The following EXOC3L1 variants were observed in gnomAD, a reference collection of about 807,000 sequenced individuals.
EXOC3L1 encodes exocyst complex component 3-like protein.
In EXOC3L1, 79 loss-of-function variants were observed where a neutral mutation model predicts 83.6. The observed-to-expected ratio is 0.95, with a 90% CI of 0.79 to 1.14. The LOEUF is 1.14. EXOC3L1 is among the 50% of genes most tolerant of loss of function. The pLI, the probability that EXOC3L1 is intolerant of heterozygous loss-of-function variation, is 0.00. For synonymous variants in EXOC3L1, 433 were observed against 451.2 expected (o/e 0.96, Z 0.51); for missense variants, 945 against 972.0 (o/e 0.97, Z 0.37).
intron 9 of EXOC3L1, 48 bp from the exon 10 acceptor site, chr16:67,185,538 T>A (rs2145985646): frequency 1.7e-5 from 26 of 1,563,476 alleles, no homozygotes; most frequent in Non-Finnish European, 2.3e-5. Context: ...AAGGCCCGCA[T>A]GGCCCTCGGT....
chr16:67,189,989 C>T lies in EXOC3L1; in HGVS notation c.-26G>A, dbSNP rs2032838951. The stretch of plus-strand genomic sequence containing the variant: ...AACTTACCAGATTTGATCAGGCGTC[C>T]AGTTCTCCCTCCAAAAATGACCTTG... On this transcript the variant is annotated 5_prime_UTR_variant, in exon 1 of 14. Coordinates refer to ENST00000314586, the MANE Select transcript of EXOC3L1 (RefSeq NM_178516.4). The T allele has an allele frequency of 1.1e-5, 4 of 359,928 alleles. No individual in the cohort carries two copies. The highest frequency in any genetic ancestry group is 6.2e-5 in the African/African-American group (3 of 48,022). The allele number at this position is 359,928 out of a possible 1,614,324, so 22.3% of individuals were successfully genotyped here. A position where few individuals can be genotyped will look rare whatever the true frequency, so the allele number is the denominator to read the frequency against.
chr16:67,189,037 G>A lies in EXOC3L1; in HGVS notation c.190C>T (p.Leu64=). Residue 64 remains leucine (L), a synonymous_variant, in exon 3 of 14, where the codon CTG becomes TTG. Transcript: ENST00000314586. ...RSREVQRTCS[L]ESRLKSVMQS... is the part of the protein sequence containing the mutation. ...ATGCCCACCTTGAGGCGCGATTCCA[G>A]GGAGCAGGTACGCTGCACCTCGCGG... 6.2e-7 allele frequency: 1 copy of A among 1,605,724 alleles called. No individual in the cohort carries two copies. Among genetic ancestry groups the A allele is most frequent in the Non-Finnish European group, 8.5e-7 (1 of 1,175,294 alleles).
intron 1 of EXOC3L1, 105 bp from the exon 2 acceptor site, chr16:67,189,788 C>T (rs577301980): frequency 1.7e-6 from 2 of 1,169,592 alleles, no homozygotes; most frequent in Admixed American, 2.1e-5. Context: ...GAAGGAGGTT[C>T]TTCCCGGCCC....
At position 67,185,424 on chromosome 16, in the gene EXOC3L1, C is replaced by T; in HGVS notation, c.1563G>A (p.Ala521=). ...PSGALAPVEA[A]LDELQRRIYR... ...AGATCCTCCTCTGCAACTCGTCCAGCGCAGCTTCCACTGGAGCCAAGGCCC... is the reference window on the plus strand; with the variant it reads ...AGATCCTCCTCTGCAACTCGTCCAGTGCAGCTTCCACTGGAGCCAAGGCCC... Residue 521 remains alanine (A), a synonymous_variant, in exon 10 of 14, where the codon GCG becomes GCA. Transcript: ENST00000314586. The T allele has an allele frequency of 6.2e-7, 1 of 1,612,130 alleles. No homozygotes were observed.
At position 67,185,507 on chromosome 16, in the gene EXOC3L1, T is replaced by C. The variant is rs1458251469; in HGVS notation, c.1497-17A>G. On this transcript the variant is annotated splice_polypyrimidine_tract_variant and intron_variant, in intron 9 of 13. Coordinates refer to ENST00000314586, the MANE Select transcript of EXOC3L1 (RefSeq NM_178516.4). ...ACTGAGGAGCTGGACCAAGCAAAAC[T>C]ACGGCTTCAGGACCAAGGCCAAGGC... 4 of 1,601,800 alleles carry C rather than the reference T, an allele frequency of 2.5e-6. No homozygotes were observed. Among genetic ancestry groups the C allele is most frequent in the Admixed American group, 3.3e-5 (2 of 59,978 alleles).
rs543852942 is a variant in EXOC3L1 at position 67,189,308 on chromosome 16, G to A, written c.47-128C>T. On this transcript the variant is annotated intron_variant, in intron 2 of 13. Transcript: ENST00000314586. ...TATTTGTTTATTGAGATGGAGTCTC[G>A]CTCTGTTGCCCAGGCTGGAGTGCAG... 96 of 1,097,604 alleles carry A rather than the reference G, an allele frequency of 8.7e-5. No homozygotes were observed. In the South Asian group the frequency reaches 1.0e-3, roughly 12 times the overall value. 68.0% of individuals were successfully genotyped at this position (1,097,604 alleles called of 1,614,324 possible). A position where few individuals can be genotyped will look rare whatever the true frequency, so the allele number is the denominator to read the frequency against.
chr16:67,187,738 G>A lies in EXOC3L1; in HGVS notation c.527C>T (p.Thr176Met), dbSNP rs755864759. The A allele has an allele frequency of 8.1e-6, 13 of 1,612,880 alleles. No homozygotes were observed. The highest frequency in any genetic ancestry group is 2.2e-5 in the South Asian group (2 of 91,082). Residue 176 changes from threonine to methionine, a missense_variant, in exon 5 of 14, where the codon ACG becomes ATG. Coordinates refer to ENST00000314586, the MANE Select transcript of EXOC3L1 (RefSeq NM_178516.4). ...CTCCAGGCCCCCCAGGGGTGCCCAC[G>A]TATCCTCTCGCAGCTGCTCCAGCTC... is the stretch of plus-strand genomic sequence containing the variant. ...LRELEQLRED[T>M]WAPLGGLELP... is the part of the protein sequence containing the mutation.
intron 4 of EXOC3L1, 22 bp from the exon 5 acceptor site, chr16:67,187,859 C>T (rs201282384): frequency 7.3e-5 from 114 of 1,554,304 alleles, no homozygotes; most frequent in Middle Eastern, 1.7e-4. Flanking sequence ...GAAAAGGAGA[C>T]GGCCCTGGGT....
intron 9 of EXOC3L1, chr16:67,185,741 G>C: frequency 1.8e-6 from 1 of 570,820 alleles, no homozygotes; most frequent in Non-Finnish European, 3.1e-6. Flanking sequence ...CATTCTTTCG[G>C]TTTCTGTTTC....
intron 2 of EXOC3L1, 78 bp downstream of exon 2, chr16:67,189,553 A>G (rs898875499): frequency 2.2e-5 from 34 of 1,548,768 alleles, no homozygotes; most frequent in Middle Eastern, 1.7e-4. Flanking sequence ...TTGGGATTAC[A>G]GGCGTGAGCC....
chr16:67,187,707 T>A lies in EXOC3L1; in HGVS notation c.558A>T (p.Pro186=), dbSNP rs1252120994. 1 of 1,612,818 alleles carries A rather than the reference T, an allele frequency of 6.2e-7. No homozygotes were observed. Among genetic ancestry groups the A allele is most frequent in the African/African-American group, 1.3e-5 (1 of 74,900 alleles). ...TWAPLGGLEL[P]VFQGLDLLFE... is the part of the protein sequence containing the mutation. ...ACAGAAGGTCCAGCCCCTGGAAGACTGGCAACTCCAGGCCCCCCAGGGGTG... is the reference window on the plus strand; with the variant it reads ...ACAGAAGGTCCAGCCCCTGGAAGACAGGCAACTCCAGGCCCCCCAGGGGTG... The change falls in exon 5 of 14, where the codon CCA becomes CCT. Residue 186 remains proline, a synonymous_variant. Transcript: ENST00000314586.
At chr16:67,189,720 C>A in intron 1 of EXOC3L1, 37 bp from the exon 2 acceptor site, 1 of 1,607,094 alleles carries the variant, frequency 6.2e-7, no homozygotes, top group Non-Finnish European at 8.5e-7. Context: ...CCGGGGCAAG[C>A]AGGCAGAGTA....
In EXOC3L1 at chr16:67,186,682, C is replaced by A. The variant is rs143287541; in HGVS notation, c.1285-25G>T. On this transcript the variant is annotated intron_variant, in intron 7 of 13. Coordinates refer to ENST00000314586, the MANE Select transcript of EXOC3L1 (RefSeq NM_178516.4). ...TCTGCAGGCAGAAATGAGCAGCCATCGGCAAAGCCTCCCTCCTTCCTCTCC... is the reference window on the plus strand; with the variant it reads ...TCTGCAGGCAGAAATGAGCAGCCATAGGCAAAGCCTCCCTCCTTCCTCTCC... The A allele has an allele frequency of 3.1e-6, 5 of 1,613,540 alleles. No homozygotes were observed. In the South Asian group the frequency reaches 3.3e-5, roughly 11 times the overall value.
chr16:67,186,103 G>T (rs998893545), intron 9 of EXOC3L1, 134 bp downstream of exon 9: 32 of 651,552 alleles, frequency 4.9e-5, no homozygotes, highest in Non-Finnish European at 8.0e-5. Context: ...CTAGTAATTA[G>T]CAGAACTAGA....
chr16:67,186,121 C>A lies in EXOC3L1; in HGVS notation c.1496+116G>T, dbSNP rs566969354. 9 of 716,196 alleles carry A rather than the reference C, an allele frequency of 1.3e-5. No individual in the cohort carries two copies. The African/African-American group carries it at 1.6e-4, about 13-fold the overall frequency. The allele number at this position is 716,196 out of a possible 1,614,324, so 44.4% of individuals were successfully genotyped here. On this transcript the variant is annotated intron_variant, in intron 9 of 13. Transcript: ENST00000314586. ...GTAATTAGCAGAACTAGAATTGGAA[C>A]CCCAGGGCGATGTGAGTCCAAAGTC...
chr16:67,187,136 T>A lies in EXOC3L1; in HGVS notation c.1043A>T (p.Gln348Leu), dbSNP rs763115245. The stretch of plus-strand genomic sequence containing the variant: ...CAACTCCAGGCTCCCCATCATTTCC[T>A]GCCTGGAGATAGGTGGCCTGGTGTC... ...LHWALHVYLG[Q>L]EMMGSLELGP... The change falls in exon 6 of 14, where the codon CAG (glutamine) becomes CTG (leucine). Residue 348 changes from glutamine (Q) to leucine (L), a missense_variant and splice_region_variant. Gln to Leu is a moderately radical substitution (Grantham distance 113). Coordinates refer to ENST00000314586, the MANE Select transcript of EXOC3L1 (RefSeq NM_178516.4). The A allele has an allele frequency of 6.2e-7, 1 of 1,612,940 alleles. No homozygotes were observed. Among genetic ancestry groups the A allele is most frequent in the South Asian group, 1.1e-5 (1 of 91,074 alleles).
At position 67,189,615 on chromosome 16, in the gene EXOC3L1, CCCAAAAGGTTCA is replaced by C. The variant is rs2032827536; in HGVS notation, c.46+4_46+15del. On this transcript the variant is annotated splice_donor_5th_base_variant and intron_variant, in intron 2 of 13. Coordinates refer to ENST00000314586, the MANE Select transcript of EXOC3L1 (RefSeq NM_178516.4). ...TTGCCATCATTCCTCCCCTAGTCCA[CCCAAAAGGTTCA>C]TACCAGGGGACAACGCCGGCTGCAT... 1 of 1,614,058 alleles carries C rather than the reference CCCAAAAGGTTCA, an allele frequency of 6.2e-7. No homozygotes were observed. Among genetic ancestry groups the C allele is most frequent in the Non-Finnish European group, 8.5e-7 (1 of 1,179,946 alleles).
At chr16:67,184,635 C>A in intron 13 of EXOC3L1, 31 bp from the exon 14 acceptor site, 2 of 1,583,606 alleles carry the variant, frequency 1.3e-6, no homozygotes, top group Non-Finnish European at 1.7e-6. Flanking sequence ...CGCGTCAGCC[C>A]CGTCCTCCCC....
chr16:67,186,121 C>T lies in EXOC3L1; in HGVS notation c.1496+116G>A, dbSNP rs566969354. 15 of 716,314 alleles carry T rather than the reference C, an allele frequency of 2.1e-5. No homozygotes were observed. The South Asian group carries it at 2.2e-4, about 10-fold the overall frequency. 44.4% of individuals were successfully genotyped at this position (716,314 alleles called of 1,614,324 possible). A position where few individuals can be genotyped will look rare whatever the true frequency, so the allele number is the denominator to read the frequency against. ...GTAATTAGCAGAACTAGAATTGGAA[C>T]CCCAGGGCGATGTGAGTCCAAAGTC... is the stretch of plus-strand genomic sequence containing the variant. On this transcript the variant is annotated intron_variant, in intron 9 of 13. Coordinates refer to ENST00000314586, the MANE Select transcript of EXOC3L1 (RefSeq NM_178516.4).
Sources: gnomAD v4.1 joint callset for allele counts on GRCh38, gnomAD v4.1.1 for gene constraint, MANE v1.5 for transcripts, NCBI Gene and HGNC (gene_info 2026-07-23, HGNC 2026-07-21) for gene names.